The following NEBL variants were observed in gnomAD, a reference collection of about 807,000 sequenced individuals.
NEBL encodes the protein nebulette.
In NEBL, 122 loss-of-function variants were observed where a neutral mutation model predicts 140.2. The ratio of observed to expected loss-of-function variants is 0.87; its 90% CI spans 0.75 to 1.01. The LOEUF is 1.01. NEBL is among the 50% of genes least tolerant of loss of function. The pLI, the probability that NEBL is intolerant of heterozygous loss-of-function variation, is 0.00. For missense variants in NEBL, 1,365 were observed against 1,231.3 expected (o/e 1.11, Z -1.62); for synonymous variants, 436 against 398.9 (o/e 1.09, Z -1.11).
At chr10:21,286,485 C>T (rs959296964) in intron 1 of NEBL, among the ~76,000 whole-genome samples, 1 of 152,334 alleles carries the variant, frequency 6.6e-6, no homozygotes, top group East Asian at 1.9e-4. Context: ...CATGTATCAC[C>T]GTGAGGTTGA....
chr10:21,165,574 G>A (rs1840726173), intron 2 of NEBL, among the ~76,000 whole-genome samples: 1 of 152,312 alleles, frequency 6.6e-6, no homozygotes, highest in East Asian at 1.9e-4. Context: ...ATATTATCAA[G>A]TACCTTCTAA....
Position 20,783,991 on chromosome 10 carries a change from A to G in NEBL, c.*1756T>C, listed in dbSNP as rs1486740577. On this transcript the variant is annotated 3_prime_UTR_variant, in exon 28 of 28. Coordinates refer to ENST00000377122, the MANE Select transcript of NEBL (RefSeq NM_006393.3). ...AGCCTATTTACCCTTTTAGCCTAAT[A>G]AAATGAAATCACAGATTTTCAAAAG... 4 of 152,224 alleles carry G rather than the reference A, an allele frequency of 2.6e-5. No individual in the cohort carries two copies. Among genetic ancestry groups the G allele is most frequent in the Non-Finnish European group, 5.9e-5 (4 of 68,030 alleles). 9.4% of individuals were successfully genotyped at this position (152,224 alleles called of 1,614,324 possible). A position where few individuals can be genotyped will look rare whatever the true frequency, so the allele number is the denominator to read the frequency against.
At chr10:20,803,783 C>A (rs1837346546) in intron 26 of NEBL, among the ~76,000 whole-genome samples, 1 of 147,258 alleles carries the variant, frequency 6.8e-6, no homozygotes. Context: ...ACTGAGAAAT[C>A]ATGGAGACTT....
rs574913170 is a variant in NEBL at position 21,286,876 on chromosome 10, G to A, written n.182+5954C>T. Among the ~76,000 whole-genome samples, 54 of 151,990 alleles carry A rather than the reference G, an allele frequency of 3.6e-4. No homozygotes were observed. The Middle Eastern group carries it at 0.01, about 29-fold the overall frequency. ...AAAGCAGACTACAGCTATAAATACT[G>A]TAGAAATCATACAGGAACAGACAAT... On this transcript the variant is annotated intron_variant and non_coding_transcript_variant, in intron 1 of 8. Coordinates refer to the NEBL transcript ENST00000675702.
rs563214736 is a variant in NEBL, at chr10:21,139,036, T to C, written c.164+33347A>G. On this transcript the variant is annotated intron_variant, in intron 2 of 6. Transcript: ENST00000417816. ...TGATTGTTCATTTGTAATTTAGCCT[T>C]CAAATCTGTTTGAAAGCAATTCAAC... Among the ~76,000 whole-genome samples, 6 of 152,302 alleles carry C rather than the reference T, an allele frequency of 3.9e-5. No homozygotes were observed. The South Asian group carries it at 1.2e-3, about 32-fold the overall frequency.
chr10:20,787,061 T>C (rs1835474600), intron 27 of NEBL, 141 bp downstream of exon 27: 2 of 794,432 alleles, frequency 2.5e-6, no homozygotes, highest in South Asian at 1.5e-5. Context: ...TTCAAAAGAG[T>C]TGTATAAATG....
intron 4 of NEBL, among the ~76,000 whole-genome samples, chr10:20,958,611 T>C (rs867234005): frequency 2.6e-5 from 4 of 152,210 alleles, no homozygotes; most frequent in Middle Eastern, 3.2e-3. Flanking sequence ...TGAAGACATC[T>C]TCTGGAATTT....
chr10:21,056,743 A>G (rs773824623), intron 2 of NEBL, among the ~76,000 whole-genome samples: 21 of 152,216 alleles, frequency 1.4e-4, no homozygotes, highest in Non-Finnish European at 2.4e-4. Context: ...ATGCATCTCA[A>G]AAGCAAAATA....
intron 1 of NEBL, among the ~76,000 whole-genome samples, chr10:21,273,683 T>A (rs2132291549): frequency 6.6e-6 from 1 of 152,350 alleles, no homozygotes; most frequent in African/African-American, 2.4e-5. Context: ...TCCCTTAAGA[T>A]GCAGCTTCTA....
At chr10:20,899,129 T>C (rs948568660), upstream of NEBL, among the ~76,000 whole-genome samples, 9 of 152,238 alleles carry the variant, frequency 5.9e-5, no homozygotes, top group East Asian at 3.8e-4. Context: ...AAGGAAAGAA[T>C]GTGTGCATTC....
chr10:20,976,967 A>C (rs1446032670), intron 3 of NEBL, among the ~76,000 whole-genome samples: 1 of 152,140 alleles, frequency 6.6e-6, no homozygotes, highest in Non-Finnish European at 1.5e-5. Flanking sequence ...CTGTACCTAA[A>C]CAAAGGAACA....
chr10:21,245,843 C>T (rs1037964073), intron 3 of NEBL, among the ~76,000 whole-genome samples: 9 of 152,148 alleles, frequency 5.9e-5, no homozygotes, highest in African/African-American at 2.2e-4. Context: ...TTACAGGTGC[C>T]CACCACTACG....
chr10:21,163,531 C>G (rs549672654), intron 2 of NEBL, among the ~76,000 whole-genome samples: 2 of 152,130 alleles, frequency 1.3e-5, no homozygotes, highest in African/African-American at 4.8e-5. Context: ...ATTTAAAAAC[C>G]AAATCCAACA....
intron 26 of NEBL, among the ~76,000 whole-genome samples, chr10:20,791,113 T>C (rs1835926426): frequency 6.6e-6 from 1 of 152,148 alleles, no homozygotes; most frequent in Non-Finnish European, 1.5e-5. Flanking sequence ...TCAATGAAAA[T>C]ACACAGAAGT....
chr10:20,819,638 G>A, intron 19 of NEBL, 122 bp from the exon 20 acceptor site: 1 of 1,208,576 alleles, frequency 8.3e-7, no homozygotes, highest in Non-Finnish European at 1.2e-6. Flanking sequence ...ATCATCATCA[G>A]GATTTCATAG....
intron 4 of NEBL, among the ~76,000 whole-genome samples, chr10:20,919,552 G>A (rs764779986): frequency 2.0e-5 from 3 of 152,156 alleles, no homozygotes; most frequent in Non-Finnish European, 4.4e-5. Context: ...TCCAGAGATA[G>A]ACCCATGTCC....
At chr10:21,226,915 A>G (rs994161795) in intron 3 of NEBL, among the ~76,000 whole-genome samples, 1 of 152,140 alleles carries the variant, frequency 6.6e-6, no homozygotes, top group Non-Finnish European at 1.5e-5. Context: ...GGAAAGGACC[A>G]TCACTGGAGG....
At chr10:20,988,089 G>T (rs892557324) in intron 3 of NEBL, among the ~76,000 whole-genome samples, 5 of 152,076 alleles carry the variant, frequency 3.3e-5, no homozygotes, top group Admixed American at 1.3e-4. Context: ...CTCCCCTTCT[G>T]CTGTCTGTGG....
intron 21 of NEBL, among the ~76,000 whole-genome samples, chr10:20,816,472 A>T (rs1232570607): frequency 6.6e-6 from 1 of 152,148 alleles, no homozygotes; most frequent in Non-Finnish European, 1.5e-5. Flanking sequence ...CTAAATAACC[A>T]TGTTCCTTTT....
Sources: allele counts gnomAD v4.1 joint callset (sites outside exome capture counted in the v4.1 genomes callset), GRCh38; gene constraint gnomAD v4.1.1; transcripts MANE v1.5; gene names NCBI Gene and HGNC (gene_info 2026-07-23, HGNC 2026-07-21).